The following EIF3D variants were observed in gnomAD, a reference collection of about 807,000 sequenced individuals.
The protein encoded by EIF3D is eIF3 p66.
In EIF3D, 10 loss-of-function variants were observed where a neutral mutation model predicts 75.4. The ratio of observed to expected loss-of-function variants is 0.13; its 90% CI spans 0.08 to 0.22. EIF3D has a LOEUF of 0.22. EIF3D is among the 10% of genes least tolerant of loss of function. EIF3D has a pLI of 1.00. For synonymous variants in EIF3D, 246 were observed against 248.3 expected, an observed-to-expected ratio of 0.99 and a Z score of 0.09; for missense variants, 394 against 708.0, an observed-to-expected ratio of 0.56 and a Z score of 5.03.
intron 7 of EIF3D, 58 bp downstream of exon 7, chr22:36,520,518 C>T: frequency 1.6e-6 from 2 of 1,240,500 alleles, no homozygotes; most frequent in South Asian, 1.3e-5. Flanking sequence ...AAATACCCAT[C>T]ACCAGCTGGT....
chr22:36,511,801 GA>G lies in EIF3D; in HGVS notation c.1350-16del. 6.2e-7 allele frequency: 1 copy of G among 1,609,258 alleles called. No individual in the cohort carries two copies. The highest frequency in any genetic ancestry group is 1.1e-5 in the South Asian group (1 of 90,926). On this transcript the variant is annotated splice_polypyrimidine_tract_variant and intron_variant, in intron 13 of 14. Coordinates refer to ENST00000216190, the MANE Select transcript of EIF3D (RefSeq NM_003753.4). The stretch of plus-strand genomic sequence containing the variant: ...GAGACACATAACTAACAGGGGAAGG[GA>G]TATCAGTGGTCAGAGCAGGGCAGCA...
intron 12 of EIF3D, among the ~76,000 whole-genome samples, chr22:36,514,974 A>G (rs1208918463): frequency 6.6e-6 from 1 of 151,378 alleles, no homozygotes; most frequent in Middle Eastern, 3.4e-3. Flanking sequence ...AAAAGTGTAT[A>G]CCAACCTCCC....
chr22:36,520,538 TAA>T, intron 7 of EIF3D, 36 bp downstream of exon 7: 1 of 1,457,192 alleles, frequency 6.9e-7, no homozygotes, highest in South Asian at 1.1e-5. Flanking sequence ...TCCACACACA[TAA>T]GAGCAGTGTA....
rs767535308 is a variant in EIF3D, at chr22:36,516,517, G to A, written c.1167C>T (p.Ser389=). 6.2e-7 allele frequency: 1 copy of A among 1,614,130 alleles called. No homozygotes were observed. Among genetic ancestry groups the A allele is most frequent in the East Asian group, 2.2e-5 (1 of 44,886 alleles). ...GVMTGANGEV[S]FINIKTLNEW... is the part of the protein sequence containing the mutation. ...CATTGAGTGTCTTGATGTTGATGAAGGACACTTCCCCGTTGGCTCCAGTCA... is the reference window on the plus strand; with the variant it reads ...CATTGAGTGTCTTGATGTTGATGAAAGACACTTCCCCGTTGGCTCCAGTCA... The change falls in exon 12 of 15, where the codon TCC becomes TCT. Residue 389 remains serine (S), a synonymous_variant. Transcript: ENST00000216190.
chr22:36,524,362 C>G (rs1273320795), intron 4 of EIF3D, among the ~76,000 whole-genome samples: 2 of 152,182 alleles, frequency 1.3e-5, no homozygotes, highest in East Asian at 1.9e-4. Flanking sequence ...TTTTAGCATA[C>G]AAGTCTGATG....
chr22:36,514,452 G>A (rs867729341), intron 12 of EIF3D, among the ~76,000 whole-genome samples: 6 of 152,168 alleles, frequency 3.9e-5, no homozygotes, highest in South Asian at 4.1e-4. Flanking sequence ...ATGTAAGGCC[G>A]CAAATCAGTT....
chr22:36,518,977 TG>T, intron 8 of EIF3D, 67 bp from the exon 9 acceptor site: 1 of 1,587,152 alleles, frequency 6.3e-7, no homozygotes, highest in African/African-American at 1.3e-5. Context: ...CTCACATGGA[TG>T]GGAAAGAACT....
At position 36,510,859 on chromosome 22, in the gene EIF3D, G is replaced by A; in HGVS notation, c.*128C>T. 2.6e-6 allele frequency: 3 copies of A among 1,151,342 alleles called. No individual in the cohort carries two copies. The highest frequency in any genetic ancestry group is 1.9e-5 in the South Asian group (1 of 53,212). 71.3% of individuals were successfully genotyped at this position (1,151,342 alleles called of 1,614,324 possible). On this transcript the variant is annotated 3_prime_UTR_variant, in exon 15 of 15. Transcript: ENST00000216190. ...TAATGCAGGCAGACGATGAGGGAAA[G>A]ACTAAACAGATATATATTTTATTTC...
chr22:36,512,322 A>T, intron 13 of EIF3D, 138 bp downstream of exon 13: 1 of 1,195,052 alleles, frequency 8.4e-7, no homozygotes, highest in Non-Finnish European at 1.2e-6. Context: ...CTCCTAACTG[A>T]CCCCTCCATC....
intron 3 of EIF3D, among the ~76,000 whole-genome samples, chr22:36,525,131 G>C (rs187884306): frequency 1.3e-5 from 2 of 152,006 alleles, no homozygotes; most frequent in East Asian, 3.9e-4. Context: ...GCCAATCTCA[G>C]CCTCAGCTAT....
At chr22:36,528,047 A>G (rs1043241162) in intron 1 of EIF3D, among the ~76,000 whole-genome samples, 8 of 152,176 alleles carry the variant, frequency 5.3e-5, no homozygotes, top group Admixed American at 2.0e-4. Flanking sequence ...TTAAATAAAT[A>G]TTGCTGAGCT....
intron 1 of EIF3D, among the ~76,000 whole-genome samples, chr22:36,528,088 T>C (rs1031458692): frequency 6.6e-6 from 1 of 152,162 alleles, no homozygotes; most frequent in African/African-American, 2.4e-5. Flanking sequence ...CCAGATAATT[T>C]AACACCATTG....
chr22:36,517,510 A>G (rs149537299), intron 9 of EIF3D, 79 bp from the exon 10 acceptor site: 1 of 1,461,924 alleles, frequency 6.8e-7, no homozygotes, highest in Admixed American at 2.8e-5. Flanking sequence ...GGAGATGTGG[A>G]GAGGCAAACA....
At chr22:36,528,396 TGA>T (rs1934640441) in intron 1 of EIF3D, among the ~76,000 whole-genome samples, 1 of 149,770 alleles carries the variant, frequency 6.7e-6, no homozygotes, top group South Asian at 2.1e-4. Context: ...AAGCCAGGGA[TGA>T]GATACCCTGG....
At chr22:36,525,854 G>C in intron 2 of EIF3D, 145 bp from the exon 3 acceptor site, 2 of 1,453,056 alleles carry the variant, frequency 1.4e-6, no homozygotes, top group Non-Finnish European at 1.9e-6. Context: ...GCTCTTCTAT[G>C]ACTACACCCA....
chr22:36,518,702 T>C (rs1196654035), intron 9 of EIF3D, 61 bp downstream of exon 9: 2 of 1,595,354 alleles, frequency 1.3e-6, no homozygotes, highest in Non-Finnish European at 1.7e-6. Context: ...TACCAGAGAC[T>C]TGTTCTGTAC....
intron 6 of EIF3D, 23 bp from the exon 7 acceptor site, chr22:36,520,711 GAA>G (rs778011146): frequency 6.5e-7 from 1 of 1,535,726 alleles, no homozygotes; most frequent in African/African-American, 1.4e-5. Context: ...ACCATTAGAG[GAA>G]AAAAAAGTTA....
chr22:36,525,644 T>G lies in EIF3D; in HGVS notation c.169+20A>C, dbSNP rs1215080988. On this transcript the variant is annotated intron_variant, in intron 3 of 14. Coordinates refer to ENST00000216190, the MANE Select transcript of EIF3D (RefSeq NM_003753.4). Reference sequence around the variant, plus strand: ...TTTCCCAAGGCCCTGATTGGGGCATTCAGTTGCAGAAACACTTACTTGTGT... The same window carrying G: ...TTTCCCAAGGCCCTGATTGGGGCATGCAGTTGCAGAAACACTTACTTGTGT... 1 of 1,611,812 alleles carries G rather than the reference T, an allele frequency of 6.2e-7. No individual in the cohort carries two copies. Among genetic ancestry groups the G allele is most frequent in the South Asian group, 1.1e-5 (1 of 90,406 alleles).
At position 36,525,983 on chromosome 22, in the gene EIF3D, G is replaced by A. The variant is rs371113217; in HGVS notation, c.123+16C>T. 20 of 1,594,462 alleles carry A rather than the reference G, an allele frequency of 1.3e-5. No individual in the cohort carries two copies. The African/African-American group carries it at 2.6e-4, about 20-fold the overall frequency. On this transcript the variant is annotated intron_variant, in intron 2 of 14. Transcript: ENST00000216190. Reference sequence around the variant, plus strand: ...CACAGCTGCAAAGATTCAGACTCCTGCTGACAGGCATGTACCTTTCCTAGC... The same window carrying A: ...CACAGCTGCAAAGATTCAGACTCCTACTGACAGGCATGTACCTTTCCTAGC...
Sources: gnomAD v4.1 joint callset for allele counts (sites outside exome capture counted in the v4.1 genomes callset) on GRCh38, gnomAD v4.1.1 for gene constraint, MANE v1.5 for transcripts, NCBI Gene and HGNC (gene_info 2026-07-23, HGNC 2026-07-21) for gene names.